SULF2: variants seen among roughly 807,000 people sequenced by gnomAD.
SULF2 encodes sulfatase 2.
In SULF2, 52 loss-of-function variants were observed where a neutral mutation model predicts 107.7. That is an observed-to-expected ratio of 0.48 (90% CI 0.39 to 0.61). The LOEUF (loss-of-function observed/expected upper bound fraction) is 0.61. SULF2 is among the 20% of genes least tolerant of loss of function. The pLI is 0.00. For missense variants in SULF2, 993 were observed against 1,177.3 expected (o/e 0.84, Z 2.29); for synonymous variants, 460 against 464.3 (o/e 0.99, Z 0.12).
intron 1 of SULF2, among the ~76,000 whole-genome samples, chr20:47,769,447 C>T (rs2090588136): frequency 6.6e-6 from 1 of 151,548 alleles, no homozygotes; most frequent in Non-Finnish European, 1.5e-5. Flanking sequence ...ATCTGCCCAC[C>T]TTGGCCTCCC....
At chr20:47,726,059 G>A (rs942260064) in intron 3 of SULF2, among the ~76,000 whole-genome samples, 3 of 152,138 alleles carry the variant, frequency 2.0e-5, no homozygotes, top group Non-Finnish European at 4.4e-5. Context: ...GTGCAGGGAT[G>A]AGGAGGAGGA....
Position 47,785,435 on chromosome 20 carries a change from G to GCGCCGCCGCCGCCGCTGCTGCCGCCGC in SULF2, c.-194_-193insGCGGCGGCAGCAGCGGCGGCGGCGGCG, listed in dbSNP as rs1299151537. On this transcript the variant is annotated 5_prime_UTR_variant, in exon 1 of 21. Transcript: ENST00000688720. ...CGGGCCGCTGGGCGCAGGGGACTCC[G>GCGCCGCCGCCGCCGCTGCTGCCGCCGC]CGCCGCCGCTGCCGCTGCCGCCGCC... 5.1e-4 allele frequency: 77 copies of GCGCCGCCGCCGCCGCTGCTGCCGCCGC among 151,620 alleles called. No individual in the cohort carries two copies. Among genetic ancestry groups the GCGCCGCCGCCGCCGCTGCTGCCGCCGC allele is most frequent in the African/African-American group, 1.9e-3 (72 of 38,266 alleles). 9.4% of individuals were successfully genotyped at this position (151,620 alleles called of 1,614,324 possible).
At chr20:47,764,647 C>T (rs930807014) in intron 1 of SULF2, among the ~76,000 whole-genome samples, 9 of 152,070 alleles carry the variant, frequency 5.9e-5, no homozygotes, top group African/African-American at 2.2e-4. Flanking sequence ...TGATGGTGGC[C>T]GCCCATTGGA....
At chr20:47,770,015 T>TG (rs1430651423) in intron 1 of SULF2, among the ~76,000 whole-genome samples, 1 of 132,228 alleles carries the variant, frequency 7.6e-6, no homozygotes. Context: ...TGAAGGGGGC[T>TG]GGGGGGTTCT....
intron 1 of SULF2, among the ~76,000 whole-genome samples, chr20:47,759,080 T>A (rs2090360141): frequency 6.6e-6 from 1 of 152,094 alleles, no homozygotes; most frequent in Non-Finnish European, 1.5e-5. Context: ...ACAGATCAGA[T>A]CACAGCACTG....
intron 3 of SULF2, among the ~76,000 whole-genome samples, chr20:47,735,135 C>T (rs1428871244): frequency 6.6e-6 from 1 of 152,130 alleles, no homozygotes; most frequent in Non-Finnish European, 1.5e-5. Flanking sequence ...TGACTCTGGG[C>T]AGGTCTCTTT....
chr20:47,786,039 C>T (rs2090927504), upstream of SULF2: 1 of 152,070 alleles, frequency 6.6e-6, no homozygotes, highest in African/African-American at 2.4e-5. Context: ...CACACAGACG[C>T]ACACTCACTC....
chr20:47,783,962 T>A (rs1184790431), intron 1 of SULF2, among the ~76,000 whole-genome samples: 2 of 152,212 alleles, frequency 1.3e-5, no homozygotes, highest in Non-Finnish European at 2.9e-5. Context: ...CCCGTTCCTA[T>A]ACTTAACGAT....
chr20:47,706,404 T>A (rs958826354), intron 3 of SULF2: 1 of 152,198 alleles, frequency 6.6e-6, no homozygotes, highest in Non-Finnish European at 1.5e-5. Context: ...TAGTCAGTAT[T>A]TTAGGCTTTG....
intron 1 of SULF2, 147 bp from the exon 2 acceptor site, chr20:47,757,610 C>T: frequency 2.2e-6 from 1 of 457,838 alleles, no homozygotes; most frequent in Admixed American, 3.6e-5. Flanking sequence ...CCGAACTCCG[C>T]TGAAGTTAGC....
intron 5 of SULF2, chr20:47,686,323 C>T (rs76596579): frequency 0.045 from 6,827 of 152,376 alleles, 194 homozygotes; most frequent in East Asian, 0.093. Context: ...ACCAAGAGCA[C>T]CTCCTTGTCA....
chr20:47,662,053 G>A (rs1447353459), intron 17 of SULF2, among the ~76,000 whole-genome samples, 157 bp from the exon 18 acceptor site: 5 of 152,194 alleles, frequency 3.3e-5, no homozygotes. Flanking sequence ...CCAGCGTTTG[G>A]AAGAGTTAGG....
chr20:47,722,302 C>T (rs761417921), intron 3 of SULF2, among the ~76,000 whole-genome samples: 6 of 152,040 alleles, frequency 3.9e-5, no homozygotes, highest in Non-Finnish European at 7.4e-5. Flanking sequence ...TTTCACTTGC[C>T]CAGGTTGTAA....
chr20:47,781,661 C>T (rs1036994372), intron 1 of SULF2, among the ~76,000 whole-genome samples: 1 of 152,234 alleles, frequency 6.6e-6, no homozygotes, highest in South Asian at 2.1e-4. Context: ...CTGGGTCAGA[C>T]GCCCTGCTAA....
At chr20:47,754,124 C>T (rs1049151636) in intron 2 of SULF2, among the ~76,000 whole-genome samples, 1 of 152,064 alleles carries the variant, frequency 6.6e-6, no homozygotes, top group African/African-American at 2.4e-5. Flanking sequence ...TGGTACAGCC[C>T]CGAACCCCCC....
At chr20:47,767,601 C>T (rs868299569) in intron 1 of SULF2, among the ~76,000 whole-genome samples, 1 of 152,134 alleles carries the variant, frequency 6.6e-6, no homozygotes, top group Non-Finnish European at 1.5e-5. Flanking sequence ...TGCGGTGAAA[C>T]CCCATCTCTA....
intron 18 of SULF2, 38 bp downstream of exon 18, chr20:47,661,735 C>G (rs200763012): frequency 6.8e-7 from 1 of 1,474,442 alleles, no homozygotes; most frequent in Non-Finnish European, 9.1e-7. Flanking sequence ...TTTGGTTACC[C>G]TGCTGTCCAA....
In SULF2 at chr20:47,757,176, C is replaced by T; in HGVS notation, c.175+13G>A. The T allele has an allele frequency of 1.9e-6, 3 of 1,542,858 alleles. No individual in the cohort carries two copies. The highest frequency in any genetic ancestry group is 2.5e-5 in the East Asian group (1 of 40,792). On this transcript the variant is annotated intron_variant, in intron 2 of 20. Coordinates refer to ENST00000688720, the MANE Select transcript of SULF2 (RefSeq NM_001387048.1). ...GAGGGGCCGAGGTGCCACCCTGGGG[C>T]CCCGAGGCTTACCCAGCTCCACATC...
At position 47,658,298 on chromosome 20, in the gene SULF2, TTTTTCATTGCCTGTGCAGTC is replaced by T; in HGVS notation, c.*44_*63del. 6.3e-7 allele frequency: 1 copy of T among 1,575,086 alleles called. No individual in the cohort carries two copies. Among genetic ancestry groups the T allele is most frequent in the Non-Finnish European group, 8.7e-7 (1 of 1,144,432 alleles). The stretch of plus-strand genomic sequence containing the variant: ...GGTCTGCTGGAAATCACCCACATGG[TTTTTCATTGCCTGTGCAGTC>T]AGGTGATGCCTCTATGTTTTTGGAG... On this transcript the variant is annotated 3_prime_UTR_variant, in exon 21 of 21. Transcript: ENST00000688720.
Sources: allele counts gnomAD v4.1 joint callset (sites outside exome capture counted in the v4.1 genomes callset), GRCh38; gene constraint gnomAD v4.1.1; transcripts MANE v1.5; gene names NCBI Gene and HGNC (gene_info 2026-07-23, HGNC 2026-07-21).